Variants in SPOCK2 observed in about 807,000 individuals in gnomAD.
SPOCK2 encodes testican-2.
Under a neutral mutation model 60.1 loss-of-function variants are expected in SPOCK2, and 39 were observed. The ratio of observed to expected loss-of-function variants is 0.65; its 90% CI spans 0.50 to 0.85. SPOCK2 has a LOEUF of 0.85. Ranked by LOEUF, SPOCK2 falls within the 40% of genes least tolerant of loss-of-function variation. The probability of loss-of-function intolerance (pLI) is 0.00; values close to 1 mark genes in which losing one functional copy is unlikely to be tolerated. For synonymous variants in SPOCK2, 217 were observed against 231.5 expected (o/e 0.94, Z 0.57); for missense variants, 523 against 567.4 (o/e 0.92, Z 0.80).
chr10:72,062,835 C>T lies in SPOCK2; in HGVS notation c.1200G>A (p.Thr400=), dbSNP rs533844555. ...VGWEDEEEKE[T]EEAGEEAEEE... Reference sequence around the variant, plus strand: ...CCTCGGCCTCCTCGCCTGCTTCCTCCGTCTCCTTCTCCTCCTCATCCTCCC... The same window carrying T: ...CCTCGGCCTCCTCGCCTGCTTCCTCTGTCTCCTTCTCCTCCTCATCCTCCC... The change falls in exon 11 of 11, where the codon ACG becomes ACA. Residue 400 remains threonine (T), a synonymous_variant. Coordinates refer to ENST00000373109, the MANE Select transcript of SPOCK2 (RefSeq NM_001244950.2). This position sits in a 1 kb window ranked among gnomAD's most constrained non-coding sequence, Gnocchi z 4.3. The T allele has an allele frequency of 2.1e-5, 34 of 1,609,132 alleles. No individual in the cohort carries two copies. The African/African-American group carries it at 2.5e-4, about 12-fold the overall frequency.
intron 9 of SPOCK2, 124 bp from the exon 10 acceptor site, chr10:72,063,286 G>C (rs1840522525): frequency 1.4e-6 from 2 of 1,385,262 alleles, no homozygotes; most frequent in Non-Finnish European, 1.9e-6. Context: ...AGCCAGACCG[G>C]GTGCTGACCC....
Position 72,064,741 on chromosome 10 carries a change from A to T in SPOCK2, c.929-501T>A, listed in dbSNP as rs925126422. 5.7e-4 allele frequency among the ~76,000 whole-genome samples: 87 copies of T among 151,724 alleles called. 1 individual carries two copies. The highest frequency in any genetic ancestry group is 9.0e-4 in the Non-Finnish European group (61 of 67,928). ...TTATTTTTTTATTTTTTATTTATTT[A>T]TTTTTTTGAGACGGAGTCTTGCTCT... On this transcript the variant is annotated intron_variant, in intron 8 of 10. Transcript: ENST00000373109.
chr10:72,072,543 G>C lies in SPOCK2; in HGVS notation c.204C>G (p.Asp68Glu). 6.2e-7 allele frequency: 1 copy of C among 1,613,934 alleles called. No homozygotes were observed. Among genetic ancestry groups the C allele is most frequent in the East Asian group, 2.2e-5 (1 of 44,888 alleles). The change falls in exon 3 of 11, where the codon GAC becomes GAG. Residue 68 changes from aspartate to glutamate, a missense_variant. Physicochemically the swap from Asp to Glu is conservative, Grantham distance 45. Transcript: ENST00000373109. Reference sequence around the variant, plus strand: ...GATTGTCCTCCCAGCTCTTGATATAGTCATCCTAGAGGACAGAGAGGGACA... The same window carrying C: ...GATTGTCCTCCCAGCTCTTGATATACTCATCCTAGAGGACAGAGAGGGACA... Reference protein sequence around the residue: ...WNRFRDEVEDDYIKSWEDNQQ... With the variant: ...WNRFRDEVEDEYIKSWEDNQQ...
rs78543725 is a variant in SPOCK2 at position 72,069,843 on chromosome 10, G to A, written c.474+469C>T. On this transcript the variant is annotated intron_variant, in intron 5 of 10. Coordinates refer to ENST00000373109, the MANE Select transcript of SPOCK2 (RefSeq NM_001244950.2). ...AAGGTGCAAATTCATTCTCCCAATC[G>A]GTTCCTTCTTCCATCACCTTCTTAT... 3.1e-3 allele frequency among the ~76,000 whole-genome samples: 472 copies of A among 152,090 alleles called. 5 individuals are homozygous for A. Among genetic ancestry groups the A allele is most frequent in the African/African-American group, 0.01 (416 of 41,488 alleles).
Position 72,067,632 on chromosome 10 carries a change from A to T in SPOCK2, c.690T>A (p.Ser230Arg). 6.2e-7 allele frequency: 1 copy of T among 1,613,268 alleles called. No individual in the cohort carries two copies. Among genetic ancestry groups the T allele is most frequent in the East Asian group, 2.2e-5 (1 of 44,864 alleles). The change falls in exon 7 of 11, where the codon AGT becomes AGA. Residue 230 changes from serine (S) to arginine (R), a missense_variant. Transcript: ENST00000373109. ...ENSKQNGSAS[S>R]VAGPASGLDK... ...TCCTACCGCTGGCCGGGCCGGCTAC[A>T]CTGCTGGCTGAGCCATTCTGCTTGG...
chr10:72,072,352 C>T (rs1053726582), intron 3 of SPOCK2, 94 bp from the exon 4 acceptor site: 7 of 1,458,608 alleles, frequency 4.8e-6, no homozygotes, highest in Middle Eastern at 2.3e-4. Context: ...CCTCCAGCAG[C>T]CCTTGATAAC....
chr10:72,073,823 CT>C (rs1840680317), intron 1 of SPOCK2, among the ~76,000 whole-genome samples: 1 of 152,256 alleles, frequency 6.6e-6, no homozygotes, highest in Non-Finnish European at 1.5e-5. Flanking sequence ...GAACACTCAA[CT>C]TATCTGGCTT....
chr10:72,067,377 C>T (rs554355600), intron 7 of SPOCK2, among the ~76,000 whole-genome samples: 1 of 152,322 alleles, frequency 6.6e-6, no homozygotes, highest in African/African-American at 2.4e-5. Context: ...CTGGGCTACC[C>T]ATGTCAGGGT....
chr10:72,084,326 G>GC (rs1305176644), intron 1 of SPOCK2, among the ~76,000 whole-genome samples: 1 of 152,234 alleles, frequency 6.6e-6, no homozygotes, highest in African/African-American at 2.4e-5. Context: ...TGAAACCAAA[G>GC]CTCAGAGGGT....
In SPOCK2 at chr10:72,062,764, C is replaced by T; in HGVS notation, c.1271G>A (p.Trp424Ter). The stretch of plus-strand genomic sequence containing the variant: ...GCAGCCGGCTCCTGAGGGCGTCTAC[C>T]AGATGTAGCCCCCGTCGTCAGCCTC... ...AGEADDGGYI[W>*] The change falls in exon 11 of 11, where the codon TGG becomes TAG. Residue 424 changes from tryptophan (W) to a stop codon, truncating the protein, a stop_gained. Coordinates refer to ENST00000373109, the MANE Select transcript of SPOCK2 (RefSeq NM_001244950.2). LOFTEE classifies it high-confidence loss of function. This position sits in a 1 kb window ranked among gnomAD's most constrained non-coding sequence, Gnocchi z 4.3. The T allele has an allele frequency of 6.2e-7, 1 of 1,603,274 alleles. No individual in the cohort carries two copies. The highest frequency in any genetic ancestry group is 8.5e-7 in the Non-Finnish European group (1 of 1,178,702).
Position 72,059,183 on chromosome 10 carries a change from A to T in SPOCK2, c.*3577T>A, listed in dbSNP as rs941110108. ...GGTCCCCAAGTGGAGGCGGGGCGGG[A>T]CGTGAGAGGATGGGGGCGCAGGGGA... On this transcript the variant is annotated 3_prime_UTR_variant, in exon 11 of 11. Transcript: ENST00000373109. The T allele has an allele frequency of 2.0e-5, 3 of 152,738 alleles. No homozygotes were observed. In the Admixed American group the frequency reaches 2.0e-4, roughly 10 times the overall value. 9.5% of individuals were successfully genotyped at this position (152,738 alleles called of 1,614,324 possible). A position where few individuals can be genotyped will look rare whatever the true frequency, so the allele number is the denominator to read the frequency against.
At chr10:72,068,444 G>A in intron 5 of SPOCK2, 143 bp from the exon 6 acceptor site, 1 of 855,016 alleles carries the variant, frequency 1.2e-6, no homozygotes, top group Middle Eastern at 3.4e-4. Context: ...GGTCCTCTTG[G>A]TTCCTCTGCA....
chr10:72,085,089 G>A (rs1485674162), intron 1 of SPOCK2, among the ~76,000 whole-genome samples: 1 of 152,200 alleles, frequency 6.6e-6, no homozygotes, highest in African/African-American at 2.4e-5. Flanking sequence ...TCTCCTCCAA[G>A]TGTCCATCCC....
chr10:72,086,612 T>C (rs2131825536), intron 1 of SPOCK2: 1 of 1,197,198 alleles, frequency 8.4e-7, no homozygotes, highest in Non-Finnish European at 1.1e-6. Flanking sequence ...TCATCTGCGC[T>C]GGGCCTGCAG....
intron 8 of SPOCK2, among the ~76,000 whole-genome samples, chr10:72,065,927 A>C (rs1428840140): frequency 1.3e-5 from 2 of 152,198 alleles, no homozygotes; most frequent in South Asian, 2.1e-4. Context: ...AGATGTGGTC[A>C]CTTGCCGGGG....
intron 1 of SPOCK2, among the ~76,000 whole-genome samples, chr10:72,078,304 A>G (rs1011765483): frequency 1.3e-5 from 2 of 152,122 alleles, no homozygotes; most frequent in Admixed American, 1.3e-4. Flanking sequence ...TCACGAGGTC[A>G]GGAGATCGAG....
intron 1 of SPOCK2, among the ~76,000 whole-genome samples, chr10:72,080,018 A>G (rs533639635): frequency 4.6e-4 from 70 of 152,060 alleles, no homozygotes; most frequent in Non-Finnish European, 7.9e-4. Flanking sequence ...GAAGCTCCAT[A>G]CTTTCAAAAG....
intron 4 of SPOCK2, 28 bp from the exon 5 acceptor site, chr10:72,070,454 G>T: frequency 6.2e-7 from 1 of 1,607,914 alleles, no homozygotes; most frequent in Non-Finnish European, 8.5e-7. Flanking sequence ...GGGCACACCA[G>T]GGTGGAAGTG....
chr10:72,066,939 G>A lies in SPOCK2; in HGVS notation c.891C>T (p.Val297=). Reference sequence around the variant, plus strand: ...AGCAGAAGCACCACTCAGCAGTAGAGACCCGGCCATCCTTGTAGGTGTCAC... The same window carrying A: ...AGCAGAAGCACCACTCAGCAGTAGAAACCCGGCCATCCTTGTAGGTGTCAC... The part of the protein sequence containing the change: ...NSCDTYKDGR[V]STAEWCFCFW... The change falls in exon 8 of 11, where the codon GTC becomes GTT. Residue 297 remains valine (V), a synonymous_variant. Transcript: ENST00000373109. 6.2e-7 allele frequency: 1 copy of A among 1,614,208 alleles called. No individual in the cohort carries two copies. The highest frequency in any genetic ancestry group is 8.5e-7 in the Non-Finnish European group (1 of 1,180,038).
Sources: allele counts gnomAD v4.1 joint callset (sites outside exome capture counted in the v4.1 genomes callset), GRCh38; gene constraint gnomAD v4.1.1; non-coding constraint Gnocchi (gnomAD v3.1); transcripts MANE v1.5; gene names NCBI Gene and HGNC (gene_info 2026-07-23, HGNC 2026-07-21).